Variants in TDRD9 observed in about 807,000 individuals in gnomAD.
TDRD9 encodes ATP-dependent RNA helicase TDRD9.
A neutral mutation model predicts 172.6 loss-of-function variants in TDRD9; 124 were observed. The observed-to-expected ratio is 0.72, with a 90% CI of 0.62 to 0.83. The LOEUF (loss-of-function observed/expected upper bound fraction) is 0.83. Among genes scored for constraint, TDRD9 ranks in the 40% least tolerant of loss-of-function variants. The probability of loss-of-function intolerance (pLI) is 0.00; values close to 1 mark genes in which losing one functional copy is unlikely to be tolerated. For synonymous variants in TDRD9, 619 were observed against 617.1 expected, an observed-to-expected ratio of 1.00 and a Z score of -0.05; for missense variants, 1,479 against 1,714.1, an observed-to-expected ratio of 0.86 and a Z score of 2.42.
At chr14:103,998,756 A>G (rs1375064308) in intron 13 of TDRD9, 28 bp downstream of exon 13, 3 of 1,191,636 alleles carry the variant, frequency 2.5e-6, no homozygotes, top group Admixed American at 1.8e-5. Flanking sequence ...AAGCACAATA[A>G]TGAGTCATTG....
At chr14:103,943,202 C>T (rs1341101406) in intron 1 of TDRD9, among the ~76,000 whole-genome samples, 2 of 151,950 alleles carry the variant, frequency 1.3e-5, no homozygotes, top group East Asian at 3.9e-4. Context: ...ATGATCACGG[C>T]TCACTGTAGC....
Position 104,026,743 on chromosome 14 carries a change from G to A in TDRD9, c.3086G>A (p.Trp1029Ter). ...SAKSLVCGKH[W>*]SDGASQWFAS... ...AAGTCTCTTGTTTGTGGCAAGCACT[G>A]GAGTGACGGGGCCAGCCAGTGGTTC... The change falls in exon 28 of 36, where the codon TGG becomes TAG. Residue 1029 changes from tryptophan to a stop codon, truncating the protein, a stop_gained. Transcript: ENST00000409874. LOFTEE classifies it high-confidence loss of function. 1 of 1,614,014 alleles carries A rather than the reference G, an allele frequency of 6.2e-7. No homozygotes were observed. Among genetic ancestry groups the A allele is most frequent in the African/African-American group, 1.3e-5 (1 of 75,058 alleles).
intron 9 of TDRD9, among the ~76,000 whole-genome samples, chr14:103,993,026 A>C (rs1398559296): frequency 1.3e-5 from 2 of 151,660 alleles, no homozygotes; most frequent in African/African-American, 4.8e-5. Flanking sequence ...GCTGGAGTAC[A>C]GTGGTGTGAC....
At chr14:103,965,990 A>G (rs2032728706) in intron 4 of TDRD9, among the ~76,000 whole-genome samples, 1 of 152,114 alleles carries the variant, frequency 6.6e-6, no homozygotes, top group Non-Finnish European at 1.5e-5. Context: ...CCAGCTGCTT[A>G]TAGAAGAGAA....
At chr14:103,973,658 G>A (rs899631367) in intron 6 of TDRD9, among the ~76,000 whole-genome samples, 1 of 152,204 alleles carries the variant, frequency 6.6e-6, no homozygotes, top group Non-Finnish European at 1.5e-5. Flanking sequence ...TGCACTCTGT[G>A]TCCTGCAGTT....
intron 1 of TDRD9, among the ~76,000 whole-genome samples, chr14:103,947,452 C>T (rs888087581): frequency 2.4e-4 from 37 of 151,970 alleles, no homozygotes; most frequent in African/African-American, 3.6e-4. Flanking sequence ...CTTAGCCTCC[C>T]GAGTAGCTGG....
At chr14:103,929,249 C>G (rs116349985) in intron 1 of TDRD9, among the ~76,000 whole-genome samples, 2,461 of 152,164 alleles carry the variant, frequency 0.016, 70 homozygotes, top group African/African-American at 0.057. Context: ...GTTCCTGCCT[C>G]CCTTTCCCTA....
chr14:104,029,846 C>T (rs1231324795), intron 28 of TDRD9, among the ~76,000 whole-genome samples: 1 of 152,082 alleles, frequency 6.6e-6, no homozygotes, highest in East Asian at 1.9e-4. Flanking sequence ...GAGATATGTT[C>T]CTTCTATACC....
intron 32 of TDRD9, among the ~76,000 whole-genome samples, chr14:104,035,883 T>TA (rs917678156): frequency 6.6e-6 from 1 of 152,156 alleles, no homozygotes; most frequent in African/African-American, 2.4e-5. Context: ...CCTAGAGGGC[T>TA]AAGTTCAGTC....
intron 17 of TDRD9, 34 bp downstream of exon 17, chr14:104,006,743 A>G: frequency 1.2e-6 from 2 of 1,613,550 alleles, no homozygotes; most frequent in East Asian, 2.2e-5. Context: ...GTGTCACTGT[A>G]TTTTAATGGT....
chr14:104,045,812 T>C (rs1291501046), intron 34 of TDRD9, among the ~76,000 whole-genome samples: 1 of 152,230 alleles, frequency 6.6e-6, no homozygotes, highest in Non-Finnish European at 1.5e-5. Flanking sequence ...TGCCATGTCA[T>C]GATGCAGCAA....
At chr14:103,990,245 C>T (rs2152195601) in intron 8 of TDRD9, among the ~76,000 whole-genome samples, 1 of 152,336 alleles carries the variant, frequency 6.6e-6, no homozygotes, top group South Asian at 2.1e-4. Flanking sequence ...GTAGTGGCTG[C>T]CGCCTGAGGT....
chr14:103,986,249 A>G lies in TDRD9; in HGVS notation c.1044A>G (p.Ile348Met). The G allele has an allele frequency of 6.2e-7, 1 of 1,613,218 alleles. No individual in the cohort carries two copies. The highest frequency in any genetic ancestry group is 8.5e-7 in the Non-Finnish European group (1 of 1,179,596). ...LSPHLLEEPV[I>M]TKDIYEVAVS... ...CTCATCTCCTGGAGGAACCGGTGAT[A>G]ACTAAGGATATATATGAAGTTGCTG... The change falls in exon 8 of 36, where the codon ATA becomes ATG. Residue 348 changes from isoleucine (I) to methionine (M), a missense_variant. Transcript: ENST00000409874.
At chr14:103,940,860 G>T in intron 1 of TDRD9, 1 of 1,535,320 alleles carries the variant, frequency 6.5e-7, no homozygotes, top group Non-Finnish European at 8.7e-7. Context: ...AGAACACTGG[G>T]AACCTGTCCT....
chr14:104,040,230 C>G lies in TDRD9; in HGVS notation c.3751C>G (p.Leu1251Val), dbSNP rs1369601907. ...GAATGGCAAGTACTATACTGGAGTC[C>G]TTTGTGGTTTGGGGTGGAATCCAGC... ...DQNGKYYTGV[L>V]CGLGWNPATG... The change falls in exon 33 of 36, where the codon CTT (leucine) becomes GTT (valine). Residue 1251 changes from leucine (L) to valine (V), a missense_variant. This residue lies in a region of TDRD9 where 1,413 missense variants were observed against 1,649.1 expected (regional missense o/e 0.86). Coordinates refer to ENST00000409874, the MANE Select transcript of TDRD9 (RefSeq NM_153046.3). 12 of 1,550,796 alleles carry G rather than the reference C, an allele frequency of 7.7e-6. No individual in the cohort carries two copies. In the East Asian group the frequency reaches 2.9e-4, roughly 38 times the overall value.
intron 1 of TDRD9, among the ~76,000 whole-genome samples, chr14:103,949,566 G>A (rs963386268): frequency 2.0e-5 from 3 of 152,196 alleles, no homozygotes; most frequent in Admixed American, 6.5e-5. Context: ...CACCCAGGGA[G>A]TCGTGCAATA....
chr14:104,047,583 GCTCTCTT>G (rs2035817285), intron 34 of TDRD9, among the ~76,000 whole-genome samples: 1 of 151,962 alleles, frequency 6.6e-6, no homozygotes, highest in Non-Finnish European at 1.5e-5. Flanking sequence ...CCTCGTGCCC[GCTCTCTT>G]CTCCCCTAGG....
chr14:103,934,465 C>T (rs537749794), intron 1 of TDRD9, among the ~76,000 whole-genome samples: 29 of 151,978 alleles, frequency 1.9e-4, no homozygotes, highest in Non-Finnish European at 3.2e-4. Context: ...GGTGTGGTCA[C>T]GGAGCTAACA....
rs1299251049 is a variant in TDRD9 at position 104,006,685 on chromosome 14, T to TC, written c.1921dup (p.Arg641ProfsTer8). The TC allele has an allele frequency of 2.5e-6, 4 of 1,614,016 alleles. No individual in the cohort carries two copies. Among genetic ancestry groups the TC allele is most frequent in the Non-Finnish European group, 8.5e-7 (1 of 1,179,878 alleles). On this transcript the variant is annotated frameshift_variant, in exon 17 of 36. Coordinates refer to ENST00000409874, the MANE Select transcript of TDRD9 (RefSeq NM_153046.3). LOFTEE classifies it high-confidence loss of function. ...TTGAAGAATTTTTTTGCAATGCCTT[T>TC]CCGGCAGCATCTCGATGGATATAGG...
Sources: allele counts gnomAD v4.1 joint callset (sites outside exome capture counted in the v4.1 genomes callset), GRCh38; gene constraint gnomAD v4.1.1; regional missense constraint gnomAD v4.1.1; transcripts MANE v1.5; gene names NCBI Gene and HGNC (gene_info 2026-07-23, HGNC 2026-07-21).